Variants in MYBPC1 observed in about 807,000 individuals in gnomAD.
MYBPC1 encodes myosin binding protein C1.
MYBPC1 carries 52 observed loss-of-function variants against 147.1 expected under a neutral mutation model. That is an observed-to-expected ratio of 0.35 (90% CI 0.28 to 0.45). The LOEUF (loss-of-function observed/expected upper bound fraction) is 0.45, where lower values mean the gene tolerates loss of function less well. MYBPC1 is among the 20% of genes least tolerant of loss of function. The pLI is 1.00. For missense variants in MYBPC1, 1,228 were observed against 1,440.3 expected, an observed-to-expected ratio of 0.85 and a Z score of 2.39; for synonymous variants, 477 against 475.9, an observed-to-expected ratio of 1.00 and a Z score of -0.03.
rs771221251 is a variant in MYBPC1 at position 101,667,862 on chromosome 12, G to C, written c.2487G>C (p.Lys829Asn). The C allele has an allele frequency of 6.2e-7, 1 of 1,614,110 alleles. No homozygotes were observed. ...ATGCAGCTGGTGCCAGCGAGCCCAAGTACTATTCTCAGCCCATTCTCGTGA... is the reference window on the plus strand; with the variant it reads ...ATGCAGCTGGTGCCAGCGAGCCCAACTACTATTCTCAGCCCATTCTCGTGA... ...AVNAAGASEP[K>N]YYSQPILVKE... The change falls in exon 23 of 32, where the codon AAG (lysine) becomes AAC (asparagine). Residue 829 changes from lysine (K) to asparagine (N), a missense_variant. By Grantham distance (94) the Lys-to-Asn change is moderately conservative (BLOSUM62 0). Around this residue, in one of 2 missense-constraint regions of MYBPC1, gnomAD observed 1,077 missense variants for 1,314.2 expected, o/e 0.82. Coordinates refer to ENST00000361466, the MANE Select transcript of MYBPC1 (RefSeq NM_002465.4).
Position 101,677,215 on chromosome 12 carries a change from A to AT in MYBPC1, c.2950-18dup. ...ACTTTTAGGTGATTTTCCTCCAGTT[A>AT]TTATTTTTTTTTCTTTTAGGAATGG... On this transcript the variant is annotated intron_variant, in intron 26 of 31. Coordinates refer to ENST00000361466, the MANE Select transcript of MYBPC1 (RefSeq NM_002465.4). 1 of 1,607,962 alleles carries AT rather than the reference A, an allele frequency of 6.2e-7. No individual in the cohort carries two copies. Among genetic ancestry groups the AT allele is most frequent in the Non-Finnish European group, 8.5e-7 (1 of 1,175,104 alleles).
chr12:101,615,998 G>A lies in MYBPC1; in HGVS notation c.62-1204G>A, dbSNP rs148117363. ...TCACCGCAGCCTCAAACTCTTGGGC[G>A]CAAGCAGAGATTGTTTTTCAGGAGG... is the stretch of plus-strand genomic sequence containing the variant. On this transcript the variant is annotated intron_variant, in intron 2 of 31. Transcript: ENST00000361466. Among the ~76,000 whole-genome samples the A allele has an allele frequency of 1.3e-4, 19 of 151,262 alleles. No individual in the cohort carries two copies. In the East Asian group the frequency reaches 3.6e-3, roughly 29 times the overall value.
At chr12:101,678,322 C>T (rs772814199) in intron 28 of MYBPC1, 84 bp downstream of exon 28, 43 of 1,562,742 alleles carry the variant, frequency 2.8e-5, no homozygotes, top group Admixed American at 5.0e-5. Flanking sequence ...TAAACAAATC[C>T]AGCTGCTACT....
intron 31 of MYBPC1, among the ~76,000 whole-genome samples, chr12:101,685,248 A>G (rs1259647703): frequency 6.6e-6 from 1 of 152,218 alleles, no homozygotes; most frequent in Non-Finnish European, 1.5e-5. Context: ...TTCAGTCAGA[A>G]CATTTAAATC....
intron 19 of MYBPC1, 121 bp downstream of exon 19, chr12:101,659,952 T>A: frequency 7.5e-7 from 1 of 1,331,698 alleles, no homozygotes; most frequent in Non-Finnish European, 1.1e-6. Flanking sequence ...ATCTTCTTTT[T>A]TTTTCTTGCC....
At chr12:101,668,605 C>T (rs1897940360) in intron 23 of MYBPC1, among the ~76,000 whole-genome samples, 1 of 152,072 alleles carries the variant, frequency 6.6e-6, no homozygotes, top group Non-Finnish European at 1.5e-5. Context: ...GGATTATAGA[C>T]ATGCACCACT....
At chr12:101,681,587 TA>T (rs1950989667) in intron 29 of MYBPC1, among the ~76,000 whole-genome samples, 4 of 30,532 alleles carry the variant, frequency 1.3e-4, no homozygotes, top group South Asian at 1.4e-3. Flanking sequence ...TATATATATA[TA>T]TATATTTTTT....
At chr12:101,608,502 G>A (rs991301847) in intron 1 of MYBPC1, among the ~76,000 whole-genome samples, 4 of 152,228 alleles carry the variant, frequency 2.6e-5, no homozygotes, top group Admixed American at 1.3e-4. Context: ...TTTTGAATAA[G>A]CAGAAGTACA....
chr12:101,681,978 G>T (rs1951032145), intron 29 of MYBPC1, among the ~76,000 whole-genome samples: 1 of 151,384 alleles, frequency 6.6e-6, no homozygotes, highest in African/African-American at 2.4e-5. Context: ...AAAGGAAAAA[G>T]ATTTGATTTT....
rs55713551 is a variant in MYBPC1, at chr12:101,680,643, G to T, written c.3433+114G>T. The T allele has an allele frequency of 0.01, 13,231 of 1,306,224 alleles. 997 individuals are homozygous for T. In the African/African-American group the frequency reaches 0.16, roughly 16 times the overall value. The allele number at this position is 1,306,224 out of a possible 1,614,324, so 80.9% of individuals were successfully genotyped here. ...TGCTTGCCAAAATGCTGCAGCGAGG[G>T]TGGGAGAGGGTGGTGAGGGCAAGGG... On this transcript the variant is annotated intron_variant, in intron 29 of 31. Coordinates refer to ENST00000361466, the MANE Select transcript of MYBPC1 (RefSeq NM_002465.4).
rs771812517 is a variant in MYBPC1 at position 101,673,510 on chromosome 12, T to A, written c.2697T>A (p.Thr899=). The change falls in exon 25 of 32, where the codon ACT becomes ACA. Residue 899 remains threonine (T), a synonymous_variant. Coordinates refer to ENST00000361466, the MANE Select transcript of MYBPC1 (RefSeq NM_002465.4). ...KNQINIRNSE[T]DTIIFIRKAE... ...AAATAAACATTCGCAACTCTGAGAC[T>A]GATACAATCATATTTATTAGAAAAG... The A allele has an allele frequency of 1.5e-5, 24 of 1,614,102 alleles. No individual in the cohort carries two copies. In the South Asian group the frequency reaches 2.3e-4, roughly 16 times the overall value.
At chr12:101,614,143 A>C (rs12578677) in intron 1 of MYBPC1, among the ~76,000 whole-genome samples, 2 of 152,192 alleles carry the variant, frequency 1.3e-5, no homozygotes, top group Non-Finnish European at 2.9e-5. Flanking sequence ...CAGGCTCAGC[A>C]CAAGTAAATG....
At position 101,642,601 on chromosome 12, in the gene MYBPC1, G is replaced by T. The variant is rs184174176; in HGVS notation, c.832+16G>T. ...AAGAGCGCAGGTGAGCGCTCCCGGG[G>T]GCGAGGCAGCGGCCGAGGGGCGTGG... On this transcript the variant is annotated intron_variant, in intron 11 of 31. Coordinates refer to ENST00000361466, the MANE Select transcript of MYBPC1 (RefSeq NM_002465.4). The T allele has an allele frequency of 5.0e-6, 8 of 1,604,468 alleles. No individual in the cohort carries two copies. The African/African-American group carries it at 1.1e-4, about 21-fold the overall frequency.
chr12:101,603,116 G>A (rs971719232), intron 1 of MYBPC1, among the ~76,000 whole-genome samples: 7 of 151,964 alleles, frequency 4.6e-5, no homozygotes, highest in Admixed American at 6.6e-5. Flanking sequence ...AGGCTGAGGT[G>A]GGAGGATCAC....
At chr12:101,655,190 T>C (rs1895327496) in intron 18 of MYBPC1, among the ~76,000 whole-genome samples, 1 of 151,996 alleles carries the variant, frequency 6.6e-6, no homozygotes, top group African/African-American at 2.4e-5. Context: ...GGTGGAGAAA[T>C]GTTAAGCTCT....
intron 6 of MYBPC1, among the ~76,000 whole-genome samples, chr12:101,631,043 G>A (rs1418061428): frequency 6.6e-6 from 1 of 152,132 alleles, no homozygotes; most frequent in Non-Finnish European, 1.5e-5. Flanking sequence ...CACGTCCTCA[G>A]GGTCTAAATC....
intron 28 of MYBPC1, 65 bp downstream of exon 28, chr12:101,678,303 G>C: frequency 1.3e-6 from 2 of 1,591,654 alleles, no homozygotes; most frequent in Non-Finnish European, 8.6e-7. Context: ...TATAATGTAA[G>C]TAACAATGTA....
At chr12:101,675,827 C>G (rs1443441637) in intron 26 of MYBPC1, among the ~76,000 whole-genome samples, 1 of 152,168 alleles carries the variant, frequency 6.6e-6, no homozygotes, top group Non-Finnish European at 1.5e-5. Context: ...AGATTTACAC[C>G]CATGCAACTC....
chr12:101,680,222 CCTT>C (rs1276830461), intron 28 of MYBPC1, 118 bp from the exon 29 acceptor site: 1 of 951,362 alleles, frequency 1.1e-6, no homozygotes, highest in Non-Finnish European at 1.6e-6. Context: ...AAAAGTCTAT[CCTT>C]CTCAGATGCA....
Sources: gnomAD v4.1 joint callset for allele counts (sites outside exome capture counted in the v4.1 genomes callset) on GRCh38, gnomAD v4.1.1 for gene constraint, gnomAD v4.1.1 regional missense constraint, MANE v1.5 for transcripts, NCBI Gene and HGNC (gene_info 2026-07-23, HGNC 2026-07-21) for gene names.